CTTNBP2: variants seen among roughly 807,000 people sequenced by gnomAD.
The protein encoded by CTTNBP2 is cortactin binding protein 2, also known as cortactin-binding protein 2.
Under a neutral mutation model 156.9 loss-of-function variants are expected in CTTNBP2, and 108 were observed. The observed-to-expected ratio is 0.69, with a 90% CI of 0.59 to 0.81. The LOEUF is 0.81. Among genes scored for constraint, CTTNBP2 ranks in the 30% least tolerant of loss-of-function variants. The pLI, the probability that CTTNBP2 is intolerant of heterozygous loss-of-function variation, is 0.00. For synonymous variants in CTTNBP2, 767 were observed against 751.8 expected (o/e 1.02, Z -0.33); for missense variants, 1,924 against 2,035.4 (o/e 0.95, Z 1.05).
intron 8 of CTTNBP2, among the ~76,000 whole-genome samples, chr7:117,771,731 G>A (rs1184167296): frequency 6.6e-6 from 1 of 152,132 alleles, no homozygotes; most frequent in African/African-American, 2.4e-5. Context: ...TGCTGGACAC[G>A]GTATATATAA....
intron 2 of CTTNBP2, among the ~76,000 whole-genome samples, chr7:117,829,909 C>T (rs1047608276): frequency 3.9e-5 from 6 of 152,100 alleles, no homozygotes; most frequent in African/African-American, 1.4e-4. Context: ...GACTGTTTTG[C>T]CTGTGTAGTC....
At chr7:117,782,731 A>AT (rs1360027191) in intron 6 of CTTNBP2, 131 bp downstream of exon 6, 3 of 621,538 alleles carry the variant, frequency 4.8e-6, no homozygotes, top group Non-Finnish European at 8.5e-6. Flanking sequence ...ATCCTCAAAT[A>AT]TATTTAGTGA....
chr7:117,743,356 T>C (rs1021114155), intron 14 of CTTNBP2, among the ~76,000 whole-genome samples: 1 of 152,106 alleles, frequency 6.6e-6, no homozygotes, highest in Admixed American at 6.5e-5. Flanking sequence ...AAAAATGATG[T>C]TTTGGCACTA....
At chr7:117,764,921 C>A (rs1479255908) in intron 9 of CTTNBP2, among the ~76,000 whole-genome samples, 1 of 151,952 alleles carries the variant, frequency 6.6e-6, no homozygotes, top group African/African-American at 2.4e-5. Flanking sequence ...ATATTCTGTT[C>A]TTCAGGTTTT....
chr7:117,828,525 C>T (rs142769759), intron 2 of CTTNBP2, among the ~76,000 whole-genome samples: 1 of 152,244 alleles, frequency 6.6e-6, no homozygotes, highest in East Asian at 1.9e-4. Flanking sequence ...TCAGATCATG[C>T]TATTTTGTCT....
intron 10 of CTTNBP2, chr7:117,760,221 C>G: frequency 1.8e-6 from 1 of 558,108 alleles, no homozygotes; most frequent in Non-Finnish European, 3.2e-6. Flanking sequence ...TTTTTACTCT[C>G]TGAGTATTAT....
intron 2 of CTTNBP2, among the ~76,000 whole-genome samples, chr7:117,814,012 T>C (rs2116985653): frequency 6.6e-6 from 1 of 152,348 alleles, no homozygotes; most frequent in Non-Finnish European, 1.5e-5. Context: ...TTTTAACAAC[T>C]CATTGTAATT....
intron 14 of CTTNBP2, among the ~76,000 whole-genome samples, chr7:117,743,370 C>T (rs775947319): frequency 2.6e-5 from 4 of 152,044 alleles, no homozygotes; most frequent in African/African-American, 7.2e-5. Flanking sequence ...GGCACTAGGG[C>T]GTTTTTAAAG....
At chr7:117,831,252 C>T (rs144216177) in intron 2 of CTTNBP2, among the ~76,000 whole-genome samples, 155 of 152,122 alleles carry the variant, frequency 1.0e-3, no homozygotes, top group Non-Finnish European at 1.9e-3. Flanking sequence ...TCCCTGACAC[C>T]TTCATGTCTG....
At chr7:117,724,451 A>C (rs1425524710) in intron 19 of CTTNBP2, 96 bp downstream of exon 19, 1 of 1,050,866 alleles carries the variant, frequency 9.5e-7, no homozygotes, top group Admixed American at 2.6e-5. Context: ...GTTTTACCAA[A>C]TGCATCGTGA....
intron 2 of CTTNBP2, among the ~76,000 whole-genome samples, chr7:117,821,709 C>T (rs1278468112): frequency 6.6e-6 from 1 of 151,898 alleles, no homozygotes; most frequent in East Asian, 1.9e-4. Context: ...CTGACTCAGC[C>T]TCCCGAGTAG....
chr7:117,857,780 T>C (rs545840431), intron 2 of CTTNBP2, among the ~76,000 whole-genome samples: 3 of 151,978 alleles, frequency 2.0e-5, no homozygotes, highest in Non-Finnish European at 4.4e-5. Flanking sequence ...GATTTAGGAG[T>C]AAATTGATCT....
Position 117,734,909 on chromosome 7 carries a change from T to C in CTTNBP2, c.3876+4A>G, listed in dbSNP as rs1174035640. The C allele has an allele frequency of 1.9e-6, 3 of 1,582,884 alleles. No individual in the cohort carries two copies. Among genetic ancestry groups the C allele is most frequent in the East Asian group, 2.3e-5 (1 of 44,156 alleles). On this transcript the variant is annotated splice_donor_region_variant and intron_variant, in intron 16 of 22. Coordinates refer to ENST00000160373, the MANE Select transcript of CTTNBP2 (RefSeq NM_033427.3). ...GGCAACAGGCTGCACTTGCTGTTTGTTACCTTATTCACAACTTTCCTTCGT... is the reference window on the plus strand; with the variant it reads ...GGCAACAGGCTGCACTTGCTGTTTGCTACCTTATTCACAACTTTCCTTCGT...
chr7:117,822,619 T>G (rs1377468374), intron 2 of CTTNBP2, among the ~76,000 whole-genome samples: 1 of 152,246 alleles, frequency 6.6e-6, no homozygotes, highest in African/African-American at 2.4e-5. Flanking sequence ...TGGTTTTGTC[T>G]TGGACACATG....
intron 12 of CTTNBP2, among the ~76,000 whole-genome samples, chr7:117,755,995 A>G (rs1165351423): frequency 1.3e-5 from 2 of 152,200 alleles, no homozygotes; most frequent in Non-Finnish European, 2.9e-5. Context: ...ATCCCAGGGA[A>G]GAGTGGAGCA....
chr7:117,716,071 G>A (rs1192889087), intron 22 of CTTNBP2: 1 of 151,890 alleles, frequency 6.6e-6, no homozygotes, highest in South Asian at 2.1e-4. Flanking sequence ...TGGGCAAAGG[G>A]AGAGAAGACT....
chr7:117,830,973 T>A (rs116925676), intron 2 of CTTNBP2, among the ~76,000 whole-genome samples: 105 of 152,314 alleles, frequency 6.9e-4, no homozygotes, highest in Non-Finnish European at 1.0e-3. Flanking sequence ...GTTTTTTTTT[T>A]AATTTTTTTG....
chr7:117,787,297 T>C (rs191927312), intron 4 of CTTNBP2, among the ~76,000 whole-genome samples: 4 of 152,260 alleles, frequency 2.6e-5, no homozygotes, highest in Admixed American at 2.0e-4. Flanking sequence ...ACGCAAACAT[T>C]AGTAAGGTGA....
chr7:117,786,378 A>G (rs1463860422), intron 4 of CTTNBP2: 3 of 446,282 alleles, frequency 6.7e-6, no homozygotes, highest in Non-Finnish European at 1.4e-5. Context: ...TTTTTACTTC[A>G]TACTTACAAG....
Sources: allele counts gnomAD v4.1 joint callset (sites outside exome capture counted in the v4.1 genomes callset), GRCh38; gene constraint gnomAD v4.1.1; transcripts MANE v1.5; gene names NCBI Gene and HGNC (gene_info 2026-07-23, HGNC 2026-07-21).